MTUS2: variants seen among roughly 807,000 people sequenced by gnomAD.
MTUS2 encodes microtubule associated scaffold protein 2.
Under a neutral mutation model 114.1 loss-of-function variants are expected in MTUS2, and 40 were observed. That is an observed-to-expected ratio of 0.35 (90% CI 0.27 to 0.46). The LOEUF (loss-of-function observed/expected upper bound fraction) is 0.46, where lower values mean the gene tolerates loss of function less well. MTUS2 is among the 20% of genes least tolerant of loss of function. MTUS2 has a pLI of 1.00. For missense variants in MTUS2, 1,679 were observed against 1,705.4 expected (o/e 0.98, Z 0.27); for synonymous variants, 688 against 672.0 (o/e 1.02, Z -0.37).
At position 29,083,981 on chromosome 13, in the gene MTUS2, C is replaced by T. The variant is rs572207453; in HGVS notation, c.2447-16792C>T. 1.8e-3 allele frequency among the ~76,000 whole-genome samples: 273 copies of T among 152,150 alleles called. 1 individual carries two copies. The highest frequency in any genetic ancestry group is 6.1e-3 in the African/African-American group (252 of 41,516). ...ACTTATGTGCCCTCTATTTTTTGTT[C>T]AGTAACTCCCCTAAGATTATAGCAT... On this transcript the variant is annotated intron_variant, in intron 4 of 15. Transcript: ENST00000612955.
At chr13:28,840,134 T>A (rs908608192) in intron 2 of MTUS2, among the ~76,000 whole-genome samples, 6 of 152,112 alleles carry the variant, frequency 3.9e-5, no homozygotes, top group African/African-American at 1.4e-4. Context: ...AATTGACACC[T>A]CTTACTTAGT....
At position 28,945,194 on chromosome 13, in the gene MTUS2, T is replaced by TACACAC. The variant is rs397823353; in HGVS notation, c.-242-79259_-242-79258insACACAC. 9.3e-5 allele frequency among the ~76,000 whole-genome samples: 14 copies of TACACAC among 151,000 alleles called. 1 individual carries two copies. Among genetic ancestry groups the TACACAC allele is most frequent in the African/African-American group, 3.5e-4 (14 of 40,554 alleles). ...TAGTATTCCATTATATATATATATA[T>TACACAC]ACACCACATTTTCTTTATCCAGTCG... On this transcript the variant is annotated intron_variant, in intron 2 of 15. Coordinates refer to ENST00000612955, the MANE Select transcript of MTUS2 (RefSeq NM_001033602.4).
chr13:28,832,510 AT>A (rs35730821), intron 1 of MTUS2, among the ~76,000 whole-genome samples: 117,594 of 150,364 alleles, frequency 0.78, 46,570 homozygotes, highest in Non-Finnish European at 0.82. Context: ...ACTTAGAGGG[AT>A]TTTTTTTTTA....
intron 2 of MTUS2, among the ~76,000 whole-genome samples, chr13:28,863,987 C>T (rs1353746911): frequency 2.0e-5 from 3 of 152,168 alleles, no homozygotes; most frequent in Middle Eastern, 3.2e-3. Context: ...CGAGTCACTG[C>T]GCTCAGCCCC....
chr13:29,308,861 G>T (rs769949323), intron 6 of MTUS2, among the ~76,000 whole-genome samples: 2 of 151,616 alleles, frequency 1.3e-5, no homozygotes, highest in Non-Finnish European at 2.9e-5. Flanking sequence ...TCTTATGGCA[G>T]TCAAAGTGGC....
intron 4 of MTUS2, among the ~76,000 whole-genome samples, chr13:29,096,914 G>A (rs1890201288): frequency 6.6e-6 from 1 of 152,142 alleles, no homozygotes; most frequent in African/African-American, 2.4e-5. Context: ...CCCCAGTATT[G>A]TTTGGCTTGC....
chr13:29,031,457 G>A (rs1399037567), intron 3 of MTUS2, among the ~76,000 whole-genome samples: 1 of 151,852 alleles, frequency 6.6e-6, no homozygotes, highest in African/African-American at 2.4e-5. Flanking sequence ...TTAAGAAATT[G>A]GCTCATGATT....
intron 2 of MTUS2, among the ~76,000 whole-genome samples, chr13:28,911,845 G>GTTTTTTTTTTTTTTTTTTTTATT (rs202187530): frequency 3.9e-5 from 4 of 103,826 alleles, no homozygotes; most frequent in African/African-American, 1.1e-4. Flanking sequence ...ACTTTTTAAT[G>GTTTTTTTTTTTTTTTTTTTTATT]TTTTTTTTTT....
At chr13:29,213,202 A>C (rs1177093377) in intron 5 of MTUS2, among the ~76,000 whole-genome samples, 2 of 152,214 alleles carry the variant, frequency 1.3e-5, no homozygotes, top group East Asian at 3.8e-4. Flanking sequence ...TATGTTTCTT[A>C]TTATGTCACA....
At chr13:29,171,900 G>C (rs1023781600) in intron 5 of MTUS2, among the ~76,000 whole-genome samples, 1 of 152,208 alleles carries the variant, frequency 6.6e-6, no homozygotes, top group Non-Finnish European at 1.5e-5. Context: ...AGTTTCCAAA[G>C]TATGCACACT....
At chr13:29,390,149 T>TACAC (rs571275988) in intron 8 of MTUS2, among the ~76,000 whole-genome samples, 5 of 103,886 alleles carry the variant, frequency 4.8e-5, no homozygotes, top group Middle Eastern at 4.2e-3. Context: ...TATATATATA[T>TACAC]ACACACACAC....
chr13:29,359,240 G>A (rs1476990554), intron 7 of MTUS2, 22 bp from the exon 8 acceptor site: 2 of 1,570,784 alleles, frequency 1.3e-6, no homozygotes, highest in Non-Finnish European at 1.7e-6. Context: ...AGGTGACCGG[G>A]GTTTGGTTTT....
intron 3 of MTUS2, among the ~76,000 whole-genome samples, chr13:29,032,735 T>G (rs1307527182): frequency 6.6e-6 from 1 of 152,184 alleles, no homozygotes; most frequent in Non-Finnish European, 1.5e-5. Flanking sequence ...AATTTAAGGG[T>G]TTATCTCTTC....
chr13:29,132,284 A>G (rs978843204), intron 5 of MTUS2, among the ~76,000 whole-genome samples: 3 of 152,196 alleles, frequency 2.0e-5, no homozygotes, highest in African/African-American at 4.8e-5. Context: ...GTTCTCTTCA[A>G]ATTCTTCTAT....
chr13:29,315,877 GA>G (rs1378544061), intron 6 of MTUS2, among the ~76,000 whole-genome samples: 1 of 152,212 alleles, frequency 6.6e-6, no homozygotes, highest in African/African-American at 2.4e-5. Context: ...CAAGGGGATA[GA>G]AGGTTGTAAC....
chr13:29,484,276 T>C (rs1040813526), intron 10 of MTUS2: 3 of 152,312 alleles, frequency 2.0e-5, no homozygotes, highest in African/African-American at 7.2e-5. Flanking sequence ...GAGGCCACTT[T>C]GTCCCTCATC....
chr13:28,989,547 T>C (rs1462304433), intron 2 of MTUS2, among the ~76,000 whole-genome samples: 50 of 152,144 alleles, frequency 3.3e-4, no homozygotes, highest in Non-Finnish European at 1.5e-4. Context: ...TTGTTGGGGA[T>C]GGGAATGGAG....
chr13:29,282,210 G>A (rs1327206160), intron 6 of MTUS2, among the ~76,000 whole-genome samples: 2 of 152,206 alleles, frequency 1.3e-5, no homozygotes, highest in Admixed American at 6.5e-5. Context: ...TTCAGGCTGC[G>A]CCTCCAGGAA....
intron 5 of MTUS2, among the ~76,000 whole-genome samples, chr13:29,251,126 G>A (rs1445891905): frequency 6.6e-6 from 1 of 152,142 alleles, no homozygotes; most frequent in Non-Finnish European, 1.5e-5. Context: ...TGTGGCTTTA[G>A]TGAAGATTGC....
Sources: allele counts gnomAD v4.1 joint callset (sites outside exome capture counted in the v4.1 genomes callset), GRCh38; gene constraint gnomAD v4.1.1; transcripts MANE v1.5; gene names NCBI Gene and HGNC (gene_info 2026-07-23, HGNC 2026-07-21).